Variants in DSG3 observed in about 807,000 individuals in gnomAD.
The protein encoded by DSG3 is desmoglein-3.
DSG3 carries 63 observed loss-of-function variants against 85.9 expected under a neutral mutation model. That is an observed-to-expected ratio of 0.73 (90% confidence interval 0.60 to 0.90). The LOEUF (loss-of-function observed/expected upper bound fraction) is 0.90. DSG3 is among the 40% of genes least tolerant of loss of function. The pLI, the probability that DSG3 is intolerant of heterozygous loss-of-function variation, is 0.00. For synonymous variants in DSG3, 447 were observed against 441.9 expected, an observed-to-expected ratio of 1.01 and a Z score of -0.14; for missense variants, 1,220 against 1,219.9, an observed-to-expected ratio of 1.00 and a Z score of 0.00.
chr18:31,461,679 A>G (rs1479234546), intron 8 of DSG3, among the ~76,000 whole-genome samples: 1 of 152,232 alleles, frequency 6.6e-6, no homozygotes, highest in Non-Finnish European at 1.5e-5. Context: ...TACTTTAAGC[A>G]CATGGTCATA....
At chr18:31,474,029 T>C (rs1198861017) in intron 14 of DSG3, 92 bp from the exon 15 acceptor site, 2 of 1,238,476 alleles carry the variant, frequency 1.6e-6, no homozygotes, top group Non-Finnish European at 2.3e-6. Context: ...CTTGTTTGCA[T>C]GGTGACTGCT....
Position 31,476,217 on chromosome 18 carries a change from A to G in DSG3, c.2957A>G (p.His986Arg), listed in dbSNP as rs766605527. The change falls in exon 16 of 16, where the codon CAT becomes CGT. Residue 986 changes from histidine to arginine, a missense_variant. Transcript: ENST00000257189. ...GGCCCAACGCAGCTACGAGGGTCAC[A>G]TACTATGCTCTGTACAGAGGATCCT... is the stretch of plus-strand genomic sequence containing the variant. ...LAGPTQLRGS[H>R]TMLCTEDPCS... The G allele has an allele frequency of 1.9e-6, 3 of 1,613,970 alleles. No individual in the cohort carries two copies. The highest frequency in any genetic ancestry group is 1.7e-5 in the Admixed American group (1 of 60,006).
At chr18:31,448,518 AT>A (rs1373488085) in intron 1 of DSG3, among the ~76,000 whole-genome samples, 2 of 152,164 alleles carry the variant, frequency 1.3e-5, no homozygotes, top group Admixed American at 6.6e-5. Flanking sequence ...TTTTAAAGCC[AT>A]TTTTTTCAGA....
intron 13 of DSG3, 123 bp from the exon 14 acceptor site, chr18:31,472,602 G>A (rs574546231): frequency 1.5e-5 from 19 of 1,276,452 alleles, no homozygotes; most frequent in African/African-American, 3.0e-5. Flanking sequence ...AATGGTTATC[G>A]CTGAAAGAAT....
chr18:31,451,158 C>CAA (rs1215851647), intron 1 of DSG3, among the ~76,000 whole-genome samples: 1 of 152,066 alleles, frequency 6.6e-6, no homozygotes, highest in Non-Finnish European at 1.5e-5. Flanking sequence ...GGAAAGGACT[C>CAA]ATGGTTGAAA....
intron 1 of DSG3, among the ~76,000 whole-genome samples, chr18:31,449,006 G>A (rs1009217126): frequency 3.3e-5 from 5 of 152,052 alleles, no homozygotes; most frequent in African/African-American, 7.2e-5. Flanking sequence ...AGTGATTCTC[G>A]TGCCTCAGCC....
chr18:31,464,024 C>A (rs2144275406), intron 8 of DSG3, 87 bp from the exon 9 acceptor site: 2 of 1,209,618 alleles, frequency 1.7e-6, no homozygotes, highest in Non-Finnish European at 2.3e-6. Context: ...TCATTCACAG[C>A]ATCTTGCATA....
chr18:31,474,225 G>C lies in DSG3; in HGVS notation c.2206G>C (p.Gly736Arg), dbSNP rs751581654. The change falls in exon 15 of 16, where the codon GGC becomes CGC. Residue 736 changes from glycine (G) to arginine (R), a missense_variant. Gly to Arg is a moderately radical substitution (Grantham distance 125). Transcript: ENST00000257189. ...GAATESGGAAGFATGTVSGAA... is the reference protein window; with the variant it reads ...GAATESGGAARFATGTVSGAA... The stretch of plus-strand genomic sequence containing the variant: ...AGCCACTGAATCTGGAGGTGCTGCA[G>C]GCTTTGCAACAGGGACAGTGTCAGG... 1 of 1,614,212 alleles carries C rather than the reference G, an allele frequency of 6.2e-7. No homozygotes were observed. The highest frequency in any genetic ancestry group is 1.1e-5 in the South Asian group (1 of 91,080).
In DSG3 at chr18:31,472,770, G is replaced by T. The variant is rs781038848; in HGVS notation, c.2083G>T (p.Asp695Tyr). Residue 695 changes from aspartate to tyrosine, a missense_variant, in exon 14 of 16, where the codon GAT (aspartate) becomes TAT (tyrosine). Coordinates refer to ENST00000257189, the MANE Select transcript of DSG3 (RefSeq NM_001944.3). Reference sequence around the variant, plus strand: ...GCCTCCTGTAACAGCCAATGGAGCCGATTTCATGGAAAGTTCTGGTAAGTG... The same window carrying T: ...GCCTCCTGTAACAGCCAATGGAGCCTATTTCATGGAAAGTTCTGGTAAGTG... The part of the protein sequence containing the change: ...CVPPVTANGA[D>Y]FMESSEVCTN... 1.9e-6 allele frequency: 3 copies of T among 1,613,980 alleles called. No homozygotes were observed. Among genetic ancestry groups the T allele is most frequent in the East Asian group, 2.2e-5 (1 of 44,858 alleles).
At position 31,464,365 on chromosome 18, in the gene DSG3, A is replaced by C. The variant is rs1369244541; in HGVS notation, c.1254A>C (p.Lys418Asn). 3 of 1,608,330 alleles carry C rather than the reference A, an allele frequency of 1.9e-6. No individual in the cohort carries two copies. In the South Asian group the frequency reaches 3.3e-5, roughly 18 times the overall value. The change falls in exon 9 of 16, where the codon AAA becomes AAC. Residue 418 changes from lysine to asparagine, a missense_variant. By Grantham distance (94) the Lys-to-Asn change is moderately conservative (BLOSUM62 0). Coordinates refer to ENST00000257189, the MANE Select transcript of DSG3 (RefSeq NM_001944.3). ...AAGCCATCGATGAGGACACTAACAAAGCTGCCTCAAATGTCAAGTAAGACT... is the reference window on the plus strand; with the variant it reads ...AAGCCATCGATGAGGACACTAACAACGCTGCCTCAAATGTCAAGTAAGACT... The part of the protein sequence containing the change: ...TYQAIDEDTN[K>N]AASNVKYVMG...
At position 31,459,104 on chromosome 18, in the gene DSG3, G is replaced by T; in HGVS notation, c.444G>T (p.Leu148Phe). The change falls in exon 5 of 16, where the codon TTG (leucine) becomes TTT (phenylalanine). Residue 148 changes from leucine (L) to phenylalanine (F), a missense_variant. Coordinates refer to ENST00000257189, the MANE Select transcript of DSG3 (RefSeq NM_001944.3). ...EKPLILTVKILDINDNPPVFS... is the reference protein window; with the variant it reads ...EKPLILTVKIFDINDNPPVFS... ...CACTTATACTAACGGTTAAAATTTT[G>T]GATATTAATGATAATCCTCCAGTAT... The T allele has an allele frequency of 1.9e-6, 3 of 1,613,250 alleles. No homozygotes were observed. In the South Asian group the frequency reaches 3.3e-5, roughly 18 times the overall value.
chr18:31,457,100 C>T lies in DSG3; in HGVS notation c.192C>T (p.Asn64=). ...FAKPCREGED[N]SKRNPIAKIT... is the part of the protein sequence containing the mutation. Reference sequence around the variant, plus strand: ...AACCCTGCAGAGAAGGAGAAGATAACTCAAAAAGAAACCCAATTGCCAAGG... The same window carrying T: ...AACCCTGCAGAGAAGGAGAAGATAATTCAAAAAGAAACCCAATTGCCAAGG... The change falls in exon 3 of 16, where the codon AAC becomes AAT. Residue 64 remains asparagine, a synonymous_variant. Transcript: ENST00000257189. The T allele has an allele frequency of 6.2e-7, 1 of 1,611,794 alleles. No homozygotes were observed. Among genetic ancestry groups the T allele is most frequent in the Non-Finnish European group, 8.5e-7 (1 of 1,179,146 alleles).
chr18:31,457,052 A>C lies in DSG3; in HGVS notation c.144A>C (p.Lys48Asn). 6.2e-7 allele frequency: 1 copy of C among 1,613,524 alleles called. No homozygotes were observed. Among genetic ancestry groups the C allele is most frequent in the Non-Finnish European group, 8.5e-7 (1 of 1,179,720 alleles). Reference sequence around the variant, plus strand: ...TGCAACAAGCTAAAAGAAGGCAAAAACGTGAATGGGTGAAATTTGCCAAAC... The same window carrying C: ...TGCAACAAGCTAAAAGAAGGCAAAACCGTGAATGGGTGAAATTTGCCAAAC... Reference protein sequence around the residue: ...MTMQQAKRRQKREWVKFAKPC... With the variant: ...MTMQQAKRRQNREWVKFAKPC... Residue 48 changes from lysine to asparagine, a missense_variant, in exon 3 of 16, where the codon AAA (lysine) becomes AAC (asparagine). By Grantham distance (94) the Lys-to-Asn change is moderately conservative. Coordinates refer to ENST00000257189, the MANE Select transcript of DSG3 (RefSeq NM_001944.3).
chr18:31,472,715 T>C lies in DSG3; in HGVS notation c.2038-10T>C, dbSNP rs928765412. The C allele has an allele frequency of 1.9e-6, 3 of 1,613,720 alleles. No homozygotes were observed. Among genetic ancestry groups the C allele is most frequent in the Non-Finnish European group, 2.5e-6 (3 of 1,179,752 alleles). ...CTTTTAAATGAATTTATTTTTCACA[T>C]GGTTTGCAGGAAATCACAAATATTT... is the stretch of plus-strand genomic sequence containing the variant. On this transcript the variant is annotated splice_polypyrimidine_tract_variant and intron_variant, in intron 13 of 15. Coordinates refer to ENST00000257189, the MANE Select transcript of DSG3 (RefSeq NM_001944.3).
In DSG3 at chr18:31,472,780, A is replaced by G. The variant is rs1273680286; in HGVS notation, c.2093A>G (p.Glu698Gly). The G allele has an allele frequency of 6.2e-7, 1 of 1,613,898 alleles. No individual in the cohort carries two copies. The highest frequency in any genetic ancestry group is 1.3e-5 in the African/African-American group (1 of 74,934). ...ACAGCCAATGGAGCCGATTTCATGG[A>G]AAGTTCTGGTAAGTGGACATAAAAT... is the stretch of plus-strand genomic sequence containing the variant. ...PVTANGADFM[E>G]SSEVCTNTYA... Residue 698 changes from glutamate to glycine, a missense_variant, in exon 14 of 16, where the codon GAA (glutamate) becomes GGA (glycine). Physicochemically the swap from Glu to Gly is moderately conservative, Grantham distance 98. Transcript: ENST00000257189.
At chr18:31,474,084 G>A in intron 14 of DSG3, 37 bp from the exon 15 acceptor site, 1 of 1,586,112 alleles carries the variant, frequency 6.3e-7, no homozygotes, top group Non-Finnish European at 8.6e-7. Context: ...ACAAACAACA[G>A]CATAAGATAT....
chr18:31,451,251 C>T (rs149748261), intron 1 of DSG3, among the ~76,000 whole-genome samples: 88 of 152,152 alleles, frequency 5.8e-4, no homozygotes, highest in African/African-American at 1.9e-3. Context: ...CCACCAAATC[C>T]GAAACAGTTT....
rs2072764304 is a variant in DSG3 at position 31,458,620 on chromosome 18, A to T, written c.372+20A>T. Reference sequence around the variant, plus strand: ...TTCCTGGTAAGTTTGGGTCCTCAACATTGGGCTACCCTTCTCCTTGTATAC... The same window carrying T: ...TTCCTGGTAAGTTTGGGTCCTCAACTTTGGGCTACCCTTCTCCTTGTATAC... On this transcript the variant is annotated intron_variant, in intron 4 of 15. Coordinates refer to ENST00000257189, the MANE Select transcript of DSG3 (RefSeq NM_001944.3). The T allele has an allele frequency of 6.2e-7, 1 of 1,607,604 alleles. No individual in the cohort carries two copies. The highest frequency in any genetic ancestry group is 1.7e-5 in the Admixed American group (1 of 59,166).
intron 1 of DSG3, among the ~76,000 whole-genome samples, chr18:31,454,672 TG>T (rs1235627194): frequency 2.0e-5 from 3 of 148,738 alleles, no homozygotes; most frequent in South Asian, 2.1e-4. Context: ...ACCATTAGTT[TG>T]TTTTTTTTTT....
Sources: gnomAD v4.1 joint callset for allele counts (sites outside exome capture counted in the v4.1 genomes callset) on GRCh38, gnomAD v4.1.1 for gene constraint, MANE v1.5 for transcripts, NCBI Gene and HGNC (gene_info 2026-07-23, HGNC 2026-07-21) for gene names.